The following GRID1 variants were observed in gnomAD, a reference collection of about 807,000 sequenced individuals.
The protein encoded by GRID1 is glutamate ionotropic receptor delta type subunit 1.
A neutral mutation model predicts 98.0 loss-of-function variants in GRID1; 28 were observed. That is an observed-to-expected ratio of 0.29 (90% CI 0.21 to 0.39). The LOEUF (loss-of-function observed/expected upper bound fraction) is 0.39. Among genes scored for constraint, GRID1 ranks in the 10% least tolerant of loss-of-function variants. The probability of loss-of-function intolerance (pLI) is 1.00; values close to 1 mark genes in which losing one functional copy is unlikely to be tolerated. For synonymous variants in GRID1, 553 were observed against 538.5 expected (o/e 1.03, Z -0.37); for missense variants, 1,111 against 1,340.5 (o/e 0.83, Z 2.67).
chr10:86,177,981 C>T (rs574259804), intron 3 of GRID1, among the ~76,000 whole-genome samples: 9 of 152,250 alleles, frequency 5.9e-5, no homozygotes, highest in African/African-American at 1.7e-4. Flanking sequence ...TGCTCCCCTC[C>T]GTGGGGACAA....
chr10:85,947,979 G>T (rs1223925413), intron 4 of GRID1, among the ~76,000 whole-genome samples: 2 of 152,188 alleles, frequency 1.3e-5, no homozygotes, highest in Non-Finnish European at 2.9e-5. Context: ...AAATGGTATT[G>T]CTTTGCCAGG....
At chr10:85,608,902 G>T (rs1590157124) in intron 15 of GRID1, among the ~76,000 whole-genome samples, 1 of 152,312 alleles carries the variant, frequency 6.6e-6, no homozygotes, top group Admixed American at 6.5e-5. Flanking sequence ...ATTTGCTCCT[G>T]AGCATAGTTC....
At chr10:86,076,580 G>C (rs1219577998) in intron 4 of GRID1, among the ~76,000 whole-genome samples, 1 of 152,190 alleles carries the variant, frequency 6.6e-6, no homozygotes, top group African/African-American at 2.4e-5. Flanking sequence ...TGTGAGGGGG[G>C]CTGTCAGACC....
At chr10:86,229,078 C>T (rs913918326) in intron 2 of GRID1, among the ~76,000 whole-genome samples, 1 of 152,144 alleles carries the variant, frequency 6.6e-6, no homozygotes, top group African/African-American at 2.4e-5. Context: ...CTGCTTGTAG[C>T]TGGGGGAGGG....
At chr10:86,182,901 G>T (rs891799951) in intron 3 of GRID1, among the ~76,000 whole-genome samples, 3 of 152,146 alleles carry the variant, frequency 2.0e-5, no homozygotes, top group Admixed American at 6.5e-5. Flanking sequence ...GGTTTCTTTG[G>T]CATGGACAAA....
chr10:85,878,004 G>A (rs566587962), intron 5 of GRID1, among the ~76,000 whole-genome samples: 1 of 152,204 alleles, frequency 6.6e-6, no homozygotes, highest in South Asian at 2.1e-4. Context: ...GCAATCGACT[G>A]GAAGAAAGGG....
chr10:85,850,669 T>TA (rs1400063012), intron 8 of GRID1, among the ~76,000 whole-genome samples: 4 of 152,186 alleles, frequency 2.6e-5, no homozygotes, highest in Non-Finnish European at 4.4e-5. Context: ...CTGAGATAGA[T>TA]ACGCTCAGAG....
At chr10:85,710,160 T>C (rs1006396422) in intron 12 of GRID1, among the ~76,000 whole-genome samples, 1 of 152,020 alleles carries the variant, frequency 6.6e-6, no homozygotes, top group African/African-American at 2.4e-5. Flanking sequence ...GACCCCCAAA[T>C]AGCCAAAACG....
At chr10:85,978,975 C>G (rs1471379640) in intron 4 of GRID1, among the ~76,000 whole-genome samples, 1 of 152,134 alleles carries the variant, frequency 6.6e-6, no homozygotes, top group Non-Finnish European at 1.5e-5. Flanking sequence ...AGTGACAGCC[C>G]CATTCTCTGA....
chr10:85,607,620 T>C (rs1168244117), intron 15 of GRID1, among the ~76,000 whole-genome samples: 1 of 152,044 alleles, frequency 6.6e-6, no homozygotes, highest in Non-Finnish European at 1.5e-5. Context: ...GCAGATGTTT[T>C]AGGGAGGGCA....
chr10:86,081,772 G>A (rs368541145), intron 4 of GRID1, among the ~76,000 whole-genome samples: 25 of 152,160 alleles, frequency 1.6e-4, no homozygotes, highest in Non-Finnish European at 2.6e-4. Context: ...CTGAAAAGGC[G>A]ACATACTATA....
chr10:86,137,913 G>C (rs1844952244), intron 4 of GRID1, among the ~76,000 whole-genome samples: 1 of 152,182 alleles, frequency 6.6e-6, no homozygotes, highest in African/African-American at 2.4e-5. Flanking sequence ...AGCAAGCAAA[G>C]TACATCAAAT....
intron 4 of GRID1, among the ~76,000 whole-genome samples, chr10:86,113,157 G>A (rs1455608652): frequency 1.3e-5 from 2 of 152,066 alleles, no homozygotes; most frequent in Admixed American, 1.3e-4. Flanking sequence ...TCAGCCAGAG[G>A]GTTCACTAAA....
chr10:85,634,291 T>TCTCTCTCTCTCTCTCTCTCTCACA (rs1162030685), intron 13 of GRID1, among the ~76,000 whole-genome samples: 1 of 102,994 alleles, frequency 9.7e-6, no homozygotes, highest in South Asian at 3.0e-4. Context: ...TCTCTCTCTC[T>TCTCTCTCTCTCTCTCTCTCTCACA]CACACACACA....
At chr10:85,704,871 T>A (rs565455926) in intron 12 of GRID1, among the ~76,000 whole-genome samples, 2 of 152,190 alleles carry the variant, frequency 1.3e-5, no homozygotes, top group Non-Finnish European at 2.9e-5. Flanking sequence ...GAATGACTAC[T>A]GGGTACATAA....
chr10:86,179,569 T>C (rs1845625654), intron 3 of GRID1, among the ~76,000 whole-genome samples: 1 of 152,198 alleles, frequency 6.6e-6, no homozygotes, highest in Non-Finnish European at 1.5e-5. Flanking sequence ...TCATTTTCTC[T>C]GACAGTTTGT....
chr10:85,982,536 G>C (rs776505032), intron 4 of GRID1, among the ~76,000 whole-genome samples: 11 of 152,094 alleles, frequency 7.2e-5, no homozygotes, highest in Admixed American at 7.2e-4. Flanking sequence ...GGAGTATTGC[G>C]GGAGTATTGC....
At chr10:85,663,976 A>G (rs1436668710) in intron 12 of GRID1, among the ~76,000 whole-genome samples, 3 of 152,072 alleles carry the variant, frequency 2.0e-5, no homozygotes, top group Admixed American at 2.0e-4. Flanking sequence ...GTAAAGAGAC[A>G]CCTCCCAGAG....
intron 5 of GRID1, among the ~76,000 whole-genome samples, chr10:85,872,977 A>G (rs186017672): frequency 3.7e-4 from 56 of 152,292 alleles, no homozygotes; most frequent in Admixed American, 9.8e-4. Context: ...CTTGGGGTCA[A>G]TTAAAAAGGT....
Sources: allele counts gnomAD v4.1 joint callset (sites outside exome capture counted in the v4.1 genomes callset), GRCh38; gene constraint gnomAD v4.1.1; transcripts MANE v1.5; gene names NCBI Gene and HGNC (gene_info 2026-07-23, HGNC 2026-07-21).